NEBL: variants seen among roughly 807,000 people sequenced by gnomAD.
NEBL encodes LIM and SH3 protein 2.
A neutral mutation model predicts 140.2 loss-of-function variants in NEBL; 122 were observed. The ratio of observed to expected loss-of-function variants is 0.87; its 90% CI spans 0.75 to 1.01. The LOEUF (loss-of-function observed/expected upper bound fraction) is 1.01. NEBL is among the 50% of genes least tolerant of loss of function. The pLI, the probability that NEBL is intolerant of heterozygous loss-of-function variation, is 0.00. For missense variants in NEBL, 1,365 were observed against 1,231.3 expected (o/e 1.11, Z -1.62); for synonymous variants, 436 against 398.9 (o/e 1.09, Z -1.11).
intron 5 of NEBL, among the ~76,000 whole-genome samples, chr10:20,878,219 C>T (rs980454425): frequency 4.6e-5 from 7 of 152,074 alleles, no homozygotes; most frequent in African/African-American, 1.7e-4. Context: ...ACTCACATTA[C>T]TAAAGGCACA....
intron 3 of NEBL, among the ~76,000 whole-genome samples, chr10:20,987,696 G>A (rs1425659164): frequency 6.6e-6 from 1 of 152,168 alleles, no homozygotes; most frequent in East Asian, 1.9e-4. Context: ...ATTTTCTTTA[G>A]AGCATAAGAC....
intron 26 of NEBL, among the ~76,000 whole-genome samples, chr10:20,797,538 C>G (rs772606481): frequency 6.6e-6 from 1 of 152,094 alleles, no homozygotes; most frequent in Non-Finnish European, 1.5e-5. Flanking sequence ...AAAACTGACT[C>G]GATGTGTCCC....
chr10:21,232,092 G>A (rs12414511), intron 3 of NEBL, among the ~76,000 whole-genome samples: 1,656 of 152,154 alleles, frequency 0.011, 83 homozygotes, highest in Admixed American at 0.095. Flanking sequence ...CCTACGCTTC[G>A]AGAATAAACT....
At chr10:20,875,428 A>G (rs78779479) in intron 5 of NEBL, among the ~76,000 whole-genome samples, 8,745 of 152,138 alleles carry the variant, frequency 0.057, 362 homozygotes, top group Middle Eastern at 0.12. Context: ...TGGGTTAGAC[A>G]TGGCCAATAA....
chr10:21,080,508 T>A (rs1836315587), intron 2 of NEBL, among the ~76,000 whole-genome samples: 1 of 152,262 alleles, frequency 6.6e-6, no homozygotes, highest in Non-Finnish European at 1.5e-5. Context: ...TTCTGTTGGA[T>A]GCTGTACAAT....
intron 2 of NEBL, among the ~76,000 whole-genome samples, chr10:21,137,481 T>C (rs1839406940): frequency 6.6e-6 from 1 of 152,158 alleles, no homozygotes; most frequent in Admixed American, 6.5e-5. Context: ...TAGACATCTG[T>C]AGAATTATTC....
At chr10:20,819,564 G>T (rs180809583) in intron 19 of NEBL, 48 bp from the exon 20 acceptor site, 1 of 1,606,532 alleles carries the variant, frequency 6.2e-7, no homozygotes, top group South Asian at 1.1e-5. Flanking sequence ...AAATAAATAC[G>T]TCCCAAAACA....
intron 1 of NEBL, among the ~76,000 whole-genome samples, chr10:21,287,512 G>A (rs1261927874): frequency 6.6e-6 from 1 of 152,092 alleles, no homozygotes; most frequent in African/African-American, 2.4e-5. Context: ...CTTCAGCTTG[G>A]GTGACAGAGT....
At chr10:21,076,301 C>T (rs1288342944) in intron 2 of NEBL, among the ~76,000 whole-genome samples, 1 of 151,682 alleles carries the variant, frequency 6.6e-6, no homozygotes, top group Non-Finnish European at 1.5e-5. Context: ...AAAAATTAGC[C>T]AGGCATGGTG....
At chr10:21,199,495 A>G (rs1841700946) in intron 3 of NEBL, among the ~76,000 whole-genome samples, 1 of 152,210 alleles carries the variant, frequency 6.6e-6, no homozygotes, top group Non-Finnish European at 1.5e-5. Context: ...TTCAAGTGGA[A>G]GCCCCCTTAA....
intron 13 of NEBL, among the ~76,000 whole-genome samples, chr10:20,838,969 T>C (rs1056926851): frequency 9.2e-5 from 14 of 152,314 alleles, no homozygotes; most frequent in Non-Finnish European, 1.2e-4. Flanking sequence ...AAAAAGTTCA[T>C]GCGAATCACT....
At chr10:21,092,702 T>C (rs1223856862) in intron 2 of NEBL, among the ~76,000 whole-genome samples, 1 of 151,924 alleles carries the variant, frequency 6.6e-6, no homozygotes, top group African/African-American at 2.4e-5. Context: ...ATAGTTCCAG[T>C]TCTTCAAAGC....
intron 4 of NEBL, among the ~76,000 whole-genome samples, chr10:20,952,904 C>CAAAAAAAAAAAAAAAAAAAAAAAAAAAA (rs34713711): frequency 3.2e-5 from 2 of 62,332 alleles, no homozygotes; most frequent in African/African-American, 7.2e-5. Flanking sequence ...GACCCTGTCT[C>CAAAAAAAAAAAAAAAAAAAAAAAAAAAA]AAAAAAAAAA....
rs779880730 is a variant in NEBL at position 20,834,328 on chromosome 10, C to G, written c.1449+1185G>C. Among the ~76,000 whole-genome samples, 3 of 152,186 alleles carry G rather than the reference C, an allele frequency of 2.0e-5. 1 individual carries two copies. The highest frequency in any genetic ancestry group is 1.3e-4 in the Admixed American group (2 of 15,298). On this transcript the variant is annotated intron_variant, in intron 14 of 27. Transcript: ENST00000377122. ...TTATAACAATGACTATCTCTCAGGA[C>G]GAGAACAGAAGTAGGAAAGGGATAA... is the stretch of plus-strand genomic sequence containing the variant.
At chr10:21,213,341 A>G (rs1841944985) in intron 3 of NEBL, among the ~76,000 whole-genome samples, 1 of 152,136 alleles carries the variant, frequency 6.6e-6, no homozygotes, top group African/African-American at 2.4e-5. Context: ...CAGAGAAAGG[A>G]CATTAGAGAA....
At position 20,780,010 on chromosome 10, in the gene NEBL, C is replaced by G. The variant is rs567482009; in HGVS notation, c.*5737G>C. 1 of 152,030 alleles carries G rather than the reference C, an allele frequency of 6.6e-6. No individual in the cohort carries two copies. 9.4% of individuals were successfully genotyped at this position (152,030 alleles called of 1,614,324 possible). On this transcript the variant is annotated 3_prime_UTR_variant, in exon 28 of 28. Transcript: ENST00000377122. ...GTTTATTCTACGAGCAGATGTCATC[C>G]GCAAAGTTTATCAATTTACAATTAG...
rs1554830679 is a variant in NEBL at position 21,169,067 on chromosome 10, A to AAAATATAT, written c.164+3315_164+3316insATATATTT. On this transcript the variant is annotated intron_variant, in intron 2 of 6. Coordinates refer to the NEBL transcript ENST00000417816. ...CCGTCTACAAAAAAAAAAAAAAAAA[A>AAAATATAT]ATATATATATATATATATATATATA... 4.9e-3 allele frequency among the ~76,000 whole-genome samples: 112 copies of AAAATATAT among 22,986 alleles called. 1 individual carries two copies. The highest frequency in any genetic ancestry group is 7.0e-3 in the Non-Finnish European group (80 of 11,470). The allele number at this position is 22,986 out of a possible 152,430, so 15.1% of individuals were successfully genotyped here. A position where few individuals can be genotyped will look rare whatever the true frequency, so the allele number is the denominator to read the frequency against.
intron 4 of NEBL, among the ~76,000 whole-genome samples, chr10:20,935,014 T>A (rs186839789): frequency 6.6e-6 from 1 of 152,190 alleles, no homozygotes; most frequent in Admixed American, 6.5e-5. Context: ...ATTTTATTTA[T>A]TCGTTAAAAC....
intron 4 of NEBL, among the ~76,000 whole-genome samples, chr10:20,922,644 A>G (rs942090621): frequency 1.1e-4 from 16 of 152,360 alleles, no homozygotes; most frequent in African/African-American, 3.8e-4. Flanking sequence ...GTGCTAACGC[A>G]ATGTAGGATA....
Sources: allele counts gnomAD v4.1 joint callset (sites outside exome capture counted in the v4.1 genomes callset), GRCh38; gene constraint gnomAD v4.1.1; transcripts MANE v1.5; gene names NCBI Gene and HGNC (gene_info 2026-07-23, HGNC 2026-07-21).